The following PUS7 variants were observed in gnomAD, a reference collection of about 807,000 sequenced individuals.
The protein encoded by PUS7 is pseudouridylate synthase 7 homolog.
PUS7 carries 48 observed loss-of-function variants against 79.8 expected under a neutral mutation model. The ratio of observed to expected loss-of-function variants is 0.60; its 90% CI spans 0.48 to 0.76. PUS7 has a LOEUF of 0.76. Ranked by LOEUF, PUS7 falls within the 30% of genes least tolerant of loss-of-function variation. The pLI, the probability that PUS7 is intolerant of heterozygous loss-of-function variation, is 0.00. For synonymous variants in PUS7, 286 were observed against 272.2 expected (o/e 1.05, Z -0.50); for missense variants, 729 against 797.6 (o/e 0.91, Z 1.04).
Position 105,481,127 on chromosome 7 carries a change from T to C in PUS7, c.1100A>G (p.Lys367Arg), listed in dbSNP as rs1824302413. ...DQVQQAMNSL[K>R]EIGFINYYGM... is the part of the protein sequence containing the mutation. Reference sequence around the variant, plus strand: ...ATAGTAGTTAATAAATCCAATCTCCTTGAGAGAGTTCATAGCTTGCTGTAC... The same window carrying C: ...ATAGTAGTTAATAAATCCAATCTCCCTGAGAGAGTTCATAGCTTGCTGTAC... The change falls in exon 9 of 16, where the codon AAG becomes AGG. Residue 367 changes from lysine (K) to arginine (R), a missense_variant. By Grantham distance (26) the Lys-to-Arg change is conservative. Transcript: ENST00000469408. The C allele has an allele frequency of 1.9e-6, 3 of 1,612,558 alleles. No individual in the cohort carries two copies. The highest frequency in any genetic ancestry group is 8.5e-7 in the Non-Finnish European group (1 of 1,179,048).
intron 14 of PUS7, among the ~76,000 whole-genome samples, chr7:105,461,133 G>C (rs1346244223): frequency 6.6e-6 from 1 of 152,128 alleles, no homozygotes; most frequent in Non-Finnish European, 1.5e-5. Context: ...TTCCAATAAA[G>C]TATTTTTAAA....
intron 7 of PUS7, among the ~76,000 whole-genome samples, chr7:105,488,499 A>C (rs1824643742): frequency 1.3e-5 from 2 of 152,250 alleles, no homozygotes; most frequent in South Asian, 4.1e-4. Context: ...TTAAGTCAGT[A>C]ATTTCACTGC....
At chr7:105,505,017 T>TTTTTTTTTTTTTTTTTTTTTTG (rs1825398364) in intron 4 of PUS7, among the ~76,000 whole-genome samples, 1 of 150,714 alleles carries the variant, frequency 6.6e-6, no homozygotes, top group African/African-American at 2.4e-5. Flanking sequence ...TTTTTTTTTT[T>TTTTTTTTTTTTTTTTTTTTTTG]TGATATGGAG....
intron 9 of PUS7, among the ~76,000 whole-genome samples, chr7:105,474,688 G>A (rs1423288515): frequency 6.6e-6 from 1 of 152,114 alleles, no homozygotes; most frequent in African/African-American, 2.4e-5. Flanking sequence ...GGCTGAGGCA[G>A]GAGAACTGCT....
Position 105,491,559 on chromosome 7 carries a change from G to A in PUS7, c.901C>T (p.Gln301Ter). The A allele has an allele frequency of 6.3e-7, 1 of 1,597,622 alleles. No individual in the cohort carries two copies. The highest frequency in any genetic ancestry group is 1.1e-5 in the South Asian group (1 of 90,210). The stretch of plus-strand genomic sequence containing the variant: ...ACTTACTTGAGAACAGCAATTTCTT[G>A]AACTGTTATAGCCCTTTTATCTTTG... ...GTKDKRAITVQEIAVLKITAQ... is the reference protein window; with the variant it reads ...GTKDKRAITV The change falls in exon 7 of 16, where the codon CAA becomes TAA. Residue 301 changes from glutamine (Q) to a stop codon, truncating the protein, a stop_gained. Transcript: ENST00000469408. LOFTEE classifies it high-confidence loss of function.
intron 4 of PUS7, among the ~76,000 whole-genome samples, chr7:105,502,822 C>T (rs1247637306): frequency 1.3e-5 from 2 of 152,172 alleles, no homozygotes; most frequent in Non-Finnish European, 2.9e-5. Flanking sequence ...GCCTCAGCCT[C>T]CTGAGTAGCT....
intron 13 of PUS7, among the ~76,000 whole-genome samples, chr7:105,463,490 G>GC (rs1448702105): frequency 6.6e-6 from 1 of 152,002 alleles, no homozygotes; most frequent in African/African-American, 2.4e-5. Flanking sequence ...CCTTTTATCT[G>GC]CCCCAGGGTA....
intron 5 of PUS7, among the ~76,000 whole-genome samples, chr7:105,498,571 G>A (rs1417792279): frequency 6.6e-6 from 1 of 152,128 alleles, no homozygotes; most frequent in Non-Finnish European, 1.5e-5. Context: ...ACATCTCCAT[G>A]AATAAAGAAG....
intron 14 of PUS7, among the ~76,000 whole-genome samples, chr7:105,459,463 G>A (rs1205419325): frequency 4.7e-5 from 7 of 149,424 alleles, no homozygotes; most frequent in Non-Finnish European, 1.0e-4. Flanking sequence ...TTGAGATGGA[G>A]TCTCAACTCT....
chr7:105,516,523 G>A (rs890097565), intron 1 of PUS7, among the ~76,000 whole-genome samples: 1 of 151,540 alleles, frequency 6.6e-6, no homozygotes, highest in Non-Finnish European at 1.5e-5. Context: ...GGCTGATCTC[G>A]GCTCACAGCA....
chr7:105,508,172 A>G lies in PUS7; in HGVS notation c.341T>C (p.Val114Ala). 1.9e-6 allele frequency: 3 copies of G among 1,614,190 alleles called. No individual in the cohort carries two copies. The highest frequency in any genetic ancestry group is 2.5e-6 in the Non-Finnish European group (3 of 1,180,048). Reference sequence around the variant, plus strand: ...AGAACTCACAAACTTGGTGATGCCTACGTCAGCCTCAGTGAGTCCATGCTT... The same window carrying G: ...AGAACTCACAAACTTGGTGATGCCTGCGTCAGCCTCAGTGAGTCCATGCTT... Reference protein sequence around the residue: ...MMKHGLTEADVGITKFVSSHQ... With the variant: ...MMKHGLTEADAGITKFVSSHQ... Residue 114 changes from valine (V) to alanine (A), a missense_variant, in exon 2 of 16, where the codon GTA becomes GCA. By Grantham distance (64) the Val-to-Ala change is moderately conservative. Transcript: ENST00000469408.
intron 6 of PUS7, among the ~76,000 whole-genome samples, chr7:105,491,915 G>A (rs989167899): frequency 1.3e-5 from 2 of 151,922 alleles, no homozygotes; most frequent in Admixed American, 6.6e-5. Context: ...AAATTAGCTG[G>A]GCGTGGTAGT....
chr7:105,470,954 A>G, intron 10 of PUS7, 106 bp from the exon 11 acceptor site: 3 of 1,254,546 alleles, frequency 2.4e-6, no homozygotes, highest in South Asian at 3.8e-5. Flanking sequence ...GCTACTTGAA[A>G]TATAGGTGCT....
At chr7:105,514,172 G>A (rs1307041322) in intron 1 of PUS7, among the ~76,000 whole-genome samples, 17 of 130,278 alleles carry the variant, frequency 1.3e-4, no homozygotes, top group African/African-American at 3.5e-4. Context: ...CGGAGCTTGC[G>A]GTGAGCCGAG....
chr7:105,467,424 G>A (rs1352895493), intron 12 of PUS7, among the ~76,000 whole-genome samples: 3 of 151,564 alleles, frequency 2.0e-5, no homozygotes, highest in African/African-American at 7.3e-5. Flanking sequence ...TGAGTAGCTG[G>A]GACTACAGGC....
rs542094643 is a variant in PUS7 at position 105,508,456 on chromosome 7, T to C, written c.57A>G (p.Glu19=). Residue 19 remains glutamate (E), a synonymous_variant, in exon 2 of 16, where the codon GAA becomes GAG. Coordinates refer to ENST00000469408, the MANE Select transcript of PUS7 (RefSeq NM_019042.5). ...VSLKRGALVV[E]DNDSGVPVEE... ...CAACTGGGACTCCACTGTCATTATC[T>C]TCGACAACCAGTGCCCCACGTTTCA... The C allele has an allele frequency of 6.2e-7, 1 of 1,614,188 alleles. No homozygotes were observed.
At chr7:105,489,017 G>A (rs1441135125) in intron 7 of PUS7, among the ~76,000 whole-genome samples, 4 of 151,650 alleles carry the variant, frequency 2.6e-5, no homozygotes, top group Non-Finnish European at 5.9e-5. Context: ...GCATGGTGGC[G>A]GGCGCCTGTA....
chr7:105,476,123 CAAAAAAA>C (rs958626613), intron 9 of PUS7, among the ~76,000 whole-genome samples: 5 of 39,184 alleles, frequency 1.3e-4, no homozygotes, highest in Admixed American at 3.2e-4. Flanking sequence ...GACTCCGTCT[CAAAAAAA>C]AAAAAAAAAA....
chr7:105,497,193 A>AGCCTCCTTGTCTCAAT (rs1825072490), intron 5 of PUS7, among the ~76,000 whole-genome samples: 1 of 152,234 alleles, frequency 6.6e-6, no homozygotes, highest in Admixed American at 6.5e-5. Context: ...CTACAGGTGC[A>AGCCTCCTTGTCTCAAT]GCCTCCTTGT....
Sources: allele counts gnomAD v4.1 joint callset (sites outside exome capture counted in the v4.1 genomes callset), GRCh38; gene constraint gnomAD v4.1.1; transcripts MANE v1.5; gene names NCBI Gene and HGNC (gene_info 2026-07-23, HGNC 2026-07-21).